PSEN1: variants seen among roughly 807,000 people sequenced by gnomAD.
PSEN1 encodes presenilin 1.
In PSEN1, 15 loss-of-function variants were observed where a neutral mutation model predicts 53.5. That is an observed-to-expected ratio of 0.28 (90% CI 0.19 to 0.43). The LOEUF (loss-of-function observed/expected upper bound fraction) is 0.43. Among genes scored for constraint, PSEN1 ranks in the 20% least tolerant of loss-of-function variants. The pLI is 1.00. For synonymous variants in PSEN1, 208 were observed against 209.8 expected, an observed-to-expected ratio of 0.99 and a Z score of 0.08; for missense variants, 387 against 571.2, an observed-to-expected ratio of 0.68 and a Z score of 3.29.
chr14:73,222,798 A>G lies in PSEN1; in HGVS notation c.*3509A>G, dbSNP rs1251004881. 2.6e-5 allele frequency: 4 copies of G among 152,218 alleles called. No homozygotes were observed. Among genetic ancestry groups the G allele is most frequent in the Non-Finnish European group, 5.9e-5 (4 of 68,042 alleles). 9.4% of individuals were successfully genotyped at this position (152,218 alleles called of 1,614,324 possible). A position where few individuals can be genotyped will look rare whatever the true frequency, so the allele number is the denominator to read the frequency against. On this transcript the variant is annotated 3_prime_UTR_variant, in exon 12 of 12. Transcript: ENST00000324501. ...ACATTGGTGTTATAAAAGTGACTTG[A>G]TTCAGAAATCAATCCATTCAGTAAA...
At chr14:73,151,910 T>A (rs1474044574) in intron 3 of PSEN1, among the ~76,000 whole-genome samples, 22 of 101,534 alleles carry the variant, frequency 2.2e-4, no homozygotes, top group South Asian at 3.8e-4. Flanking sequence ...TTTTTTTTTT[T>A]TTTTTTTTTT....
chr14:73,202,666 G>A (rs1030543490), intron 8 of PSEN1, among the ~76,000 whole-genome samples: 1 of 149,994 alleles, frequency 6.7e-6, no homozygotes, highest in Admixed American at 6.7e-5. Context: ...TAGAGACGGG[G>A]TTTCACCGTG....
At chr14:73,179,734 A>G (rs1305007910) in intron 5 of PSEN1, among the ~76,000 whole-genome samples, 1 of 152,114 alleles carries the variant, frequency 6.6e-6, no homozygotes, top group Non-Finnish European at 1.5e-5. Flanking sequence ...GCTAATGCCC[A>G]CTCATGTTGT....
rs556147068 is a variant in PSEN1 at position 73,192,661 on chromosome 14, A to G, written c.566A>G (p.Tyr189Cys). The change falls in exon 7 of 12, where the codon TAT becomes TGT. Residue 189 changes from tyrosine to cysteine, a missense_variant. Tyr to Cys is a radical substitution (Grantham distance 194). Around this residue, in one of 4 missense-constraint regions of PSEN1, gnomAD observed 169 missense variants for 299.7 expected, o/e 0.56. Transcript: ENST00000324501. ...FIYLGEVFKT[Y>C]NVAVDYITVA... Reference sequence around the variant, plus strand: ...TTTTTCAGGGAAGTGTTTAAAACCTATAACGTTGCTGTGGACTACATTACT... The same window carrying G: ...TTTTTCAGGGAAGTGTTTAAAACCTGTAACGTTGCTGTGGACTACATTACT... 1.1e-5 allele frequency: 18 copies of G among 1,613,664 alleles called. No homozygotes were observed. The African/African-American group carries it at 1.2e-4, about 11-fold the overall frequency.
chr14:73,145,122 G>A (rs1269242446), intron 1 of PSEN1, among the ~76,000 whole-genome samples: 2 of 152,000 alleles, frequency 1.3e-5, no homozygotes, highest in Admixed American at 6.6e-5. Flanking sequence ...CGAACTCCTG[G>A]CCTCAAATGA....
At chr14:73,153,076 C>T (rs1003918267) in intron 3 of PSEN1, among the ~76,000 whole-genome samples, 4 of 151,960 alleles carry the variant, frequency 2.6e-5, no homozygotes, top group Admixed American at 6.6e-5. Context: ...AAAAAGCAAA[C>T]CTATGAGCTA....
intron 5 of PSEN1, among the ~76,000 whole-genome samples, chr14:73,184,457 A>C (rs1595019950): frequency 2.9e-5 from 2 of 70,170 alleles, no homozygotes; most frequent in Non-Finnish European, 5.6e-5. Context: ...ACTTCCCAGT[A>C]GGGGCGGCCG....
At chr14:73,191,175 A>T (rs1470045947) in intron 6 of PSEN1, among the ~76,000 whole-genome samples, 1 of 152,216 alleles carries the variant, frequency 6.6e-6, no homozygotes, top group African/African-American at 2.4e-5. Context: ...ATATAAGATT[A>T]TAAAGAAGAA....
At chr14:73,168,706 A>G (rs1232833952) in intron 3 of PSEN1, 1 of 152,264 alleles carries the variant, frequency 6.6e-6, no homozygotes, top group East Asian at 1.9e-4. Context: ...TCTTCTGCAT[A>G]TACTACCCTT....
intron 8 of PSEN1, among the ~76,000 whole-genome samples, chr14:73,204,165 A>G (rs939487081): frequency 5.9e-5 from 9 of 151,694 alleles, no homozygotes; most frequent in African/African-American, 2.2e-4. Context: ...CACCGGGCTA[A>G]TTTTGTATTT....
rs1046098916 is a variant in PSEN1 at position 73,149,325 on chromosome 14, T to G, written c.87+1219T>G. Among the ~76,000 whole-genome samples the G allele has an allele frequency of 2.0e-5, 3 of 152,204 alleles. No individual in the cohort carries two copies. The East Asian group carries it at 5.8e-4, about 29-fold the overall frequency. On this transcript the variant is annotated intron_variant, in intron 3 of 11. Transcript: ENST00000324501. ...GGCAACATAGAGAGGTTCTGTGTTT[T>G]TTTTTTTTTAATTTTCCCACAGTTA...
intron 6 of PSEN1, among the ~76,000 whole-genome samples, chr14:73,191,237 A>C (rs924377127): frequency 1.3e-5 from 2 of 152,238 alleles, no homozygotes; most frequent in Admixed American, 6.5e-5. Flanking sequence ...CCTTTCAGGA[A>C]TTAATATATC....
At chr14:73,199,164 A>G (rs1396678629) in intron 8 of PSEN1, among the ~76,000 whole-genome samples, 3 of 152,232 alleles carry the variant, frequency 2.0e-5, no homozygotes, top group Non-Finnish European at 4.4e-5. Flanking sequence ...GTCACTAGGT[A>G]GACATTGCTA....
intron 3 of PSEN1, among the ~76,000 whole-genome samples, chr14:73,161,546 A>G (rs932879047): frequency 1.2e-4 from 19 of 152,112 alleles, no homozygotes; most frequent in African/African-American, 4.3e-4. Flanking sequence ...TATGGATTAA[A>G]TTTAGCAACA....
chr14:73,166,036 G>A (rs575754374), intron 3 of PSEN1, among the ~76,000 whole-genome samples: 1 of 150,086 alleles, frequency 6.7e-6, no homozygotes, highest in South Asian at 2.1e-4. Context: ...GACAGAATGA[G>A]ACTCTGTCTC....
intron 7 of PSEN1, among the ~76,000 whole-genome samples, chr14:73,196,017 T>C (rs1310365324): frequency 6.6e-6 from 1 of 152,346 alleles, no homozygotes; most frequent in East Asian, 1.9e-4. Context: ...CTGCACATCA[T>C]ACAAATGAGT....
At chr14:73,141,690 C>T (rs1000165333) in intron 1 of PSEN1, among the ~76,000 whole-genome samples, 2 of 152,090 alleles carry the variant, frequency 1.3e-5, no homozygotes, top group African/African-American at 4.8e-5. Context: ...GAGGCTGAGG[C>T]AGGAGAATTG....
intron 3 of PSEN1, among the ~76,000 whole-genome samples, chr14:73,148,668 C>A (rs1156484615): frequency 6.6e-6 from 1 of 152,210 alleles, no homozygotes; most frequent in Non-Finnish European, 1.5e-5. Context: ...CACGGTGGCT[C>A]ATGCCTGTAA....
chr14:73,180,939 G>C (rs1363030249), intron 5 of PSEN1, among the ~76,000 whole-genome samples: 1 of 152,144 alleles, frequency 6.6e-6, no homozygotes, highest in African/African-American at 2.4e-5. Context: ...GAAAAAGTTT[G>C]TACACTTTGA....
Sources: gnomAD v4.1 joint callset for allele counts (sites outside exome capture counted in the v4.1 genomes callset) on GRCh38, gnomAD v4.1.1 for gene constraint, gnomAD v4.1.1 regional missense constraint, MANE v1.5 for transcripts, NCBI Gene and HGNC (gene_info 2026-07-23, HGNC 2026-07-21) for gene names.